The following CLEC16A variants were observed in gnomAD, a reference collection of about 807,000 sequenced individuals.
CLEC16A encodes protein CLEC16A.
CLEC16A carries 51 observed loss-of-function variants against 109.5 expected under a neutral mutation model. That is an observed-to-expected ratio of 0.47 (90% CI 0.37 to 0.59). CLEC16A has a LOEUF of 0.59. Among genes scored for constraint, CLEC16A ranks in the 20% least tolerant of loss-of-function variants. The pLI is 0.00. For synonymous variants in CLEC16A, 673 were observed against 564.2 expected, an observed-to-expected ratio of 1.19 and a Z score of -2.73; for missense variants, 1,339 against 1,394.0, an observed-to-expected ratio of 0.96 and a Z score of 0.63.
chr16:10,970,810 G>A (rs547969323), intron 4 of CLEC16A, among the ~76,000 whole-genome samples: 89 of 152,214 alleles, frequency 5.8e-4, no homozygotes, highest in Admixed American at 1.9e-3. Context: ...GCAGTGGCAC[G>A]ATCACATCTC....
rs766968072 is a variant in CLEC16A at position 11,044,006 on chromosome 16, C to T, written c.1771-22C>T. On this transcript the variant is annotated intron_variant, in intron 15 of 23. Transcript: ENST00000409790. ...ACCTATATGAGACCTGCCTCCTTCA[C>T]ACCTTCCTTCTCTTTTAACAGGGTG... 6.9e-6 allele frequency: 11 copies of T among 1,588,418 alleles called. No homozygotes were observed. The Admixed American group carries it at 1.6e-4, about 23-fold the overall frequency.
intron 20 of CLEC16A, among the ~76,000 whole-genome samples, chr16:11,122,970 C>T (rs1406480986): frequency 8.2e-6 from 1 of 121,986 alleles, no homozygotes; most frequent in Non-Finnish European, 1.6e-5. Context: ...GTGGTTCGAT[C>T]TCGGCTCACT....
chr16:11,054,949 T>TTC (rs1381994886), intron 18 of CLEC16A, among the ~76,000 whole-genome samples: 7 of 122,246 alleles, frequency 5.7e-5, no homozygotes, highest in African/African-American at 2.1e-4. Context: ...TTTTTTTTTT[T>TTC]CCACCAAGTA....
chr16:11,174,026 C>T lies in CLEC16A; in HGVS notation c.2807-4309C>T, dbSNP rs2068638745. The T allele has an allele frequency of 2.7e-6, 1 of 367,520 alleles. No homozygotes were observed. The highest frequency in any genetic ancestry group is 2.0e-5 in the South Asian group (1 of 51,070). 22.8% of individuals were successfully genotyped at this position (367,520 alleles called of 1,614,324 possible). A position where few individuals can be genotyped will look rare whatever the true frequency, so the allele number is the denominator to read the frequency against. ...CCGGTGGCCACAAGCCCATGCTGGG[C>T]ACTGCCCCACGACCCTCGCCCCTCG... On this transcript the variant is annotated intron_variant, in intron 23 of 23. Coordinates refer to ENST00000409790, the MANE Select transcript of CLEC16A (RefSeq NM_015226.3). The surrounding 1 kb of genome is among the most constrained non-coding windows in gnomAD (Gnocchi z 4.7).
rs370536660 is a variant in CLEC16A at position 10,950,588 on chromosome 16, CCTT to C, written c.80+5794_80+5796del. ...CCAGGGGAAGCACAGCCTGTGAACA[CCTT>C]CTCTAATCCTCTAGCCTGATTCCAC... is the stretch of plus-strand genomic sequence containing the variant. On this transcript the variant is annotated intron_variant, in intron 1 of 23. Transcript: ENST00000409790. Among the ~76,000 whole-genome samples the C allele has an allele frequency of 5.9e-5, 9 of 152,326 alleles. No homozygotes were observed. In the South Asian group the frequency reaches 1.2e-3, roughly 21 times the overall value.
chr16:10,986,093 C>T (rs138672906), intron 10 of CLEC16A, among the ~76,000 whole-genome samples: 2,693 of 138,148 alleles, frequency 0.019, 25 homozygotes, highest in Middle Eastern at 0.061. Context: ...TACAGCGGCA[C>T]GATCTCAGCT....
chr16:11,075,402 G>GTGTGTGTGTGTGTC (rs2049302578), intron 19 of CLEC16A, among the ~76,000 whole-genome samples: 4 of 138,022 alleles, frequency 2.9e-5, no homozygotes, highest in African/African-American at 1.1e-4. Flanking sequence ...GTGTGTGTGT[G>GTGTGTGTGTGTGTC]TGTGTGTGTC....
intron 13 of CLEC16A, chr16:11,027,654 C>T: frequency 6.5e-7 from 1 of 1,541,732 alleles, no homozygotes; most frequent in Non-Finnish European, 8.9e-7. Flanking sequence ...CCCTTTCCAC[C>T]TCTCAGTGGC....
At chr16:10,945,615 C>T (rs2041317367) in intron 1 of CLEC16A, among the ~76,000 whole-genome samples, 1 of 152,190 alleles carries the variant, frequency 6.6e-6, no homozygotes, top group Non-Finnish European at 1.5e-5. Context: ...CTTCACCTCT[C>T]TGAGCCTCCA....
chr16:11,018,884 G>A (rs999278168), intron 11 of CLEC16A, among the ~76,000 whole-genome samples: 12 of 152,166 alleles, frequency 7.9e-5, no homozygotes, highest in East Asian at 1.9e-4. Flanking sequence ...GGGCCAGGCC[G>A]TGTGTTTGGA....
intron 15 of CLEC16A, 126 bp downstream of exon 15, chr16:11,042,489 CAGGG>C: frequency 1.5e-6 from 1 of 672,106 alleles, no homozygotes. Flanking sequence ...CTAGAAGCAG[CAGGG>C]GCTGCTCTCT....
At chr16:11,032,624 G>T (rs1270840331) in intron 13 of CLEC16A, among the ~76,000 whole-genome samples, 1 of 152,206 alleles carries the variant, frequency 6.6e-6, no homozygotes, top group East Asian at 1.9e-4. Context: ...GTGCTGCAGG[G>T]GTTACTAGGT....
At chr16:11,079,319 G>GAGTC (rs1462630567) in intron 19 of CLEC16A, among the ~76,000 whole-genome samples, 6 of 152,206 alleles carry the variant, frequency 3.9e-5, no homozygotes, top group African/African-American at 1.2e-4. Flanking sequence ...GTCCAGGCCA[G>GAGTC]AGTCAGCCAG....
intron 22 of CLEC16A, among the ~76,000 whole-genome samples, chr16:11,165,267 G>T (rs2068208581): frequency 6.6e-6 from 1 of 151,956 alleles, no homozygotes; most frequent in African/African-American, 2.4e-5. Context: ...GAAGCAGGAG[G>T]ATCACTTGAG....
At chr16:11,115,097 G>T (rs1275512973) in intron 19 of CLEC16A, among the ~76,000 whole-genome samples, 1 of 152,178 alleles carries the variant, frequency 6.6e-6, no homozygotes, top group Non-Finnish European at 1.5e-5. Flanking sequence ...AGGCAGCCAG[G>T]CTCTATGAGG....
chr16:10,974,003 A>G (rs2042923894), intron 7 of CLEC16A, among the ~76,000 whole-genome samples: 1 of 135,296 alleles, frequency 7.4e-6, no homozygotes, highest in Admixed American at 8.6e-5. Context: ...GATTCAAGTG[A>G]TTCTTCTGCC....
intron 22 of CLEC16A, among the ~76,000 whole-genome samples, chr16:11,136,590 G>C (rs1485584736): frequency 6.6e-6 from 1 of 152,198 alleles, no homozygotes; most frequent in Non-Finnish European, 1.5e-5. Context: ...TCCTTCTGCT[G>C]TCAATTACAA....
At chr16:11,144,451 A>G (rs2053970386) in intron 22 of CLEC16A, among the ~76,000 whole-genome samples, 1 of 151,956 alleles carries the variant, frequency 6.6e-6, no homozygotes, top group Non-Finnish European at 1.5e-5. Flanking sequence ...GAAGCCACTC[A>G]ACTGGAACCT....
chr16:11,051,597 T>A lies in CLEC16A; in HGVS notation c.1951T>A (p.Phe651Ile). ...AGGCACGCCACTGACGGGCATTGACTTCGTGAAGCGGCTGCCGTGTGGCGA... is the reference window on the plus strand; with the variant it reads ...AGGCACGCCACTGACGGGCATTGACATCGTGAAGCGGCTGCCGTGTGGCGA... ...PTGTPLTGIDFVKRLPCGDVE... is the reference protein window; with the variant it reads ...PTGTPLTGIDIVKRLPCGDVE... The change falls in exon 18 of 24, where the codon TTC becomes ATC. Residue 651 changes from phenylalanine to isoleucine, a missense_variant. Phe to Ile is a conservative substitution (Grantham distance 21). This residue lies in a region of CLEC16A where 1,061 missense variants were observed against 1,006.8 expected (regional missense o/e 1.05). Coordinates refer to ENST00000409790, the MANE Select transcript of CLEC16A (RefSeq NM_015226.3). The A allele has an allele frequency of 6.2e-7, 1 of 1,614,056 alleles. No individual in the cohort carries two copies. Among genetic ancestry groups the A allele is most frequent in the Non-Finnish European group, 8.5e-7 (1 of 1,179,888 alleles).
Sources: allele counts gnomAD v4.1 joint callset (sites outside exome capture counted in the v4.1 genomes callset), GRCh38; gene constraint gnomAD v4.1.1; regional missense constraint gnomAD v4.1.1; non-coding constraint Gnocchi (gnomAD v3.1); transcripts MANE v1.5; gene names NCBI Gene and HGNC (gene_info 2026-07-23, HGNC 2026-07-21).